CLSTN2: variants seen among roughly 807,000 people sequenced by gnomAD.
CLSTN2 encodes the protein calsyntenin-2.
CLSTN2 carries 48 observed loss-of-function variants against 101.2 expected under a neutral mutation model. The ratio of observed to expected loss-of-function variants is 0.47; its 90% confidence interval spans 0.38 to 0.60. The LOEUF (loss-of-function observed/expected upper bound fraction) is 0.60, where lower values mean the gene tolerates loss of function less well. Among genes scored for constraint, CLSTN2 ranks in the 20% least tolerant of loss-of-function variants. CLSTN2 has a pLI of 0.00. For missense variants in CLSTN2, 1,160 were observed against 1,238.2 expected (o/e 0.94, Z 0.95); for synonymous variants, 481 against 463.6 (o/e 1.04, Z -0.48).
At chr3:140,429,647 C>T (rs1489396429) in intron 5 of CLSTN2, among the ~76,000 whole-genome samples, 2 of 152,100 alleles carry the variant, frequency 1.3e-5, no homozygotes, top group Non-Finnish European at 2.9e-5. Flanking sequence ...AAGGACTCCT[C>T]GGCAAACCAC....
At chr3:140,177,880 T>C (rs1274040736) in intron 2 of CLSTN2, among the ~76,000 whole-genome samples, 1 of 152,160 alleles carries the variant, frequency 6.6e-6, no homozygotes, top group Admixed American at 6.6e-5. Flanking sequence ...CACAGCTGAA[T>C]AGTGGCTTTC....
At chr3:140,390,292 T>C (rs529490440) in intron 2 of CLSTN2, among the ~76,000 whole-genome samples, 1 of 152,318 alleles carries the variant, frequency 6.6e-6, no homozygotes, top group South Asian at 2.1e-4. Context: ...CCCACAAATT[T>C]TGAGATGTAG....
At chr3:140,533,427 C>T (rs555631897) in intron 9 of CLSTN2, among the ~76,000 whole-genome samples, 88 of 152,052 alleles carry the variant, frequency 5.8e-4, no homozygotes, top group Non-Finnish European at 1.1e-3. Context: ...AAGAATATGC[C>T]GGCCGTGCAC....
At chr3:139,983,724 TG>T (rs1935974207) in intron 1 of CLSTN2, among the ~76,000 whole-genome samples, 1 of 152,202 alleles carries the variant, frequency 6.6e-6, no homozygotes, top group African/African-American at 2.4e-5. Context: ...TAATTTACTA[TG>T]TAGTTTTAGC....
At position 139,935,338 on chromosome 3, in the gene CLSTN2, A is replaced by G. The variant is rs1576368856; in HGVS notation, c.-37A>G. On this transcript the variant is annotated 5_prime_UTR_variant, in exon 1 of 17. Transcript: ENST00000458420. The surrounding 1 kb of genome is among the most constrained non-coding windows in gnomAD (Gnocchi z 5.5). ...GGAGGCGAGAGCCGGCGCGGACAGT[A>G]GGCGGCGGCTGCAGCTCGTTGGCGG... 8.9e-7 allele frequency: 1 copy of G among 1,120,156 alleles called. No homozygotes were observed. The highest frequency in any genetic ancestry group is 1.1e-6 in the Non-Finnish European group (1 of 888,400). 69.4% of individuals were successfully genotyped at this position (1,120,156 alleles called of 1,614,324 possible).
chr3:140,129,100 C>T (rs1227539228), intron 1 of CLSTN2, among the ~76,000 whole-genome samples: 1 of 152,030 alleles, frequency 6.6e-6, no homozygotes, highest in Non-Finnish European at 1.5e-5. Context: ...ATCTCAGTTT[C>T]CCCTGATGTC....
At chr3:140,090,657 G>C (rs1401886803) in intron 1 of CLSTN2, among the ~76,000 whole-genome samples, 1 of 152,174 alleles carries the variant, frequency 6.6e-6, no homozygotes, top group East Asian at 1.9e-4. Flanking sequence ...ATAGGGAACA[G>C]TGAATCTCAT....
intron 2 of CLSTN2, among the ~76,000 whole-genome samples, chr3:140,324,143 C>A (rs776744788): frequency 1.3e-5 from 2 of 152,168 alleles, no homozygotes; most frequent in African/African-American, 4.8e-5. Flanking sequence ...ACTGTGGGCA[C>A]CTTAAACCTT....
intron 1 of CLSTN2, among the ~76,000 whole-genome samples, chr3:139,947,520 T>G (rs1250436151): frequency 1.3e-5 from 2 of 152,238 alleles, no homozygotes; most frequent in Non-Finnish European, 2.9e-5. Flanking sequence ...TCATGATATT[T>G]TAAGAGTTTT....
chr3:140,214,420 C>T (rs926968626), intron 2 of CLSTN2, among the ~76,000 whole-genome samples: 3 of 150,742 alleles, frequency 2.0e-5, no homozygotes, highest in African/African-American at 7.4e-5. Context: ...TGCCATTGCA[C>T]TCCAGCCTGG....
At chr3:140,143,476 T>C (rs1045735191) in intron 1 of CLSTN2, among the ~76,000 whole-genome samples, 1 of 152,222 alleles carries the variant, frequency 6.6e-6, no homozygotes, top group African/African-American at 2.4e-5. Flanking sequence ...TCCACATTGT[T>C]GAGAGCAGAT....
In CLSTN2 at chr3:139,999,036, CTGTCCCCG is replaced by C. The variant is rs537316328; in HGVS notation, c.109+63556_109+63563del. On this transcript the variant is annotated intron_variant, in intron 1 of 16. Transcript: ENST00000458420. ...CCTTTAATGACCCCATTATGTTTGC[CTGTCCCCG>C]TGACCTACCCGGCCTGGGAGCAGAC... 2.5e-3 allele frequency among the ~76,000 whole-genome samples: 378 copies of C among 152,154 alleles called. 5 individuals carry two copies. Among genetic ancestry groups the C allele is most frequent in the African/African-American group, 8.0e-3 (331 of 41,520 alleles).
At chr3:140,066,493 T>A (rs191962241) in intron 1 of CLSTN2, among the ~76,000 whole-genome samples, 23 of 152,380 alleles carry the variant, frequency 1.5e-4, no homozygotes, top group African/African-American at 5.5e-4. Flanking sequence ...GACTGATTTT[T>A]AGGAGATAGT....
At chr3:140,348,420 T>C (rs1021927862) in intron 2 of CLSTN2, among the ~76,000 whole-genome samples, 1 of 152,188 alleles carries the variant, frequency 6.6e-6, no homozygotes, top group Non-Finnish European at 1.5e-5. Flanking sequence ...TATTTTCAAT[T>C]TCCTTATGTT....
At chr3:139,954,545 C>A (rs145962651) in intron 1 of CLSTN2, among the ~76,000 whole-genome samples, 4 of 152,034 alleles carry the variant, frequency 2.6e-5, no homozygotes, top group African/African-American at 7.2e-5. Context: ...AGTCACCTAC[C>A]CTTTGGAGGT....
At chr3:140,267,477 A>G (rs993694321) in intron 2 of CLSTN2, among the ~76,000 whole-genome samples, 1 of 152,202 alleles carries the variant, frequency 6.6e-6, no homozygotes, top group South Asian at 2.1e-4. Context: ...TTGAAGGAAC[A>G]TTGAAGATTA....
intron 2 of CLSTN2, among the ~76,000 whole-genome samples, chr3:140,275,133 G>A (rs920681748): frequency 2.0e-5 from 3 of 152,164 alleles, no homozygotes; most frequent in Non-Finnish European, 2.9e-5. Flanking sequence ...GGGCAACTCC[G>A]AGATTTAACT....
intron 1 of CLSTN2, among the ~76,000 whole-genome samples, chr3:140,005,698 CA>C (rs1347957186): frequency 6.6e-6 from 1 of 152,052 alleles, no homozygotes; most frequent in Non-Finnish European, 1.5e-5. Context: ...TAATTAAATA[CA>C]GTGCTAAAGG....
chr3:140,223,063 C>T (rs2107854097), intron 2 of CLSTN2, among the ~76,000 whole-genome samples: 1 of 152,254 alleles, frequency 6.6e-6, no homozygotes. Flanking sequence ...GACAATCTGG[C>T]TTGAAAGCTT....
Sources: gnomAD v4.1 joint callset for allele counts (sites outside exome capture counted in the v4.1 genomes callset) on GRCh38, gnomAD v4.1.1 for gene constraint, Gnocchi (gnomAD v3.1) non-coding constraint, MANE v1.5 for transcripts, NCBI Gene and HGNC (gene_info 2026-07-23, HGNC 2026-07-21) for gene names.